The following ARL8B variants were observed in gnomAD, a reference collection of about 807,000 sequenced individuals.
The protein encoded by ARL8B is ARF like GTPase 8B.
ARL8B carries 9 observed loss-of-function variants against 30.6 expected under a neutral mutation model. The observed-to-expected ratio is 0.29, with a 90% CI of 0.18 to 0.51. The LOEUF (loss-of-function observed/expected upper bound fraction) is 0.51, where lower values mean the gene tolerates loss of function less well. Among genes scored for constraint, ARL8B ranks in the 20% least tolerant of loss-of-function variants. The pLI is 0.97. For missense variants in ARL8B, 130 were observed against 227.2 expected (o/e 0.57, Z 2.75); for synonymous variants, 74 against 76.0 (o/e 0.97, Z 0.14).
intron 1 of ARL8B, among the ~76,000 whole-genome samples, chr3:5,160,016 T>C (rs2054567806): frequency 6.6e-6 from 1 of 152,104 alleles, no homozygotes; most frequent in Non-Finnish European, 1.5e-5. Flanking sequence ...ACTAATAACC[T>C]CAACACTCAT....
At chr3:5,163,141 C>T (rs756700522) in intron 1 of ARL8B, among the ~76,000 whole-genome samples, 10 of 152,040 alleles carry the variant, frequency 6.6e-5, no homozygotes, top group Non-Finnish European at 1.5e-4. Context: ...GTGTGTGCCA[C>T]CACACCCAGC....
At position 5,122,328 on chromosome 3, in the gene ARL8B, C is replaced by T. The variant is rs761377241; in HGVS notation, c.-138C>T. The T allele has an allele frequency of 6.0e-5, 92 of 1,529,110 alleles. No homozygotes were observed. Among genetic ancestry groups the T allele is most frequent in the Non-Finnish European group, 7.9e-5 (90 of 1,139,440 alleles). The allele number at this position is 1,529,110 out of a possible 1,614,324, so 94.7% of individuals were successfully genotyped here. A position where few individuals can be genotyped will look rare whatever the true frequency, so the allele number is the denominator to read the frequency against. On this transcript the variant is annotated 5_prime_UTR_variant, in exon 1 of 7. Coordinates refer to ENST00000256496, the MANE Select transcript of ARL8B (RefSeq NM_018184.3). The stretch of plus-strand genomic sequence containing the variant: ...TCGGCTTCCTGGGTCTGGCTGCTGC[C>T]GCCCGCCGGTGTCCGCCCGTGTCGC...
intron 1 of ARL8B, among the ~76,000 whole-genome samples, chr3:5,143,504 C>T (rs2054393278): frequency 6.6e-6 from 1 of 152,184 alleles, no homozygotes. Context: ...TGAGGTCCTC[C>T]CGTAGCACAG....
chr3:5,157,613 C>G (rs1337065056), intron 1 of ARL8B: 8 of 152,232 alleles, frequency 5.3e-5, no homozygotes, highest in African/African-American at 1.9e-4. Context: ...GTAAGTACAG[C>G]TGGTCCATAG....
chr3:5,158,471 C>T (rs898842759), intron 1 of ARL8B, among the ~76,000 whole-genome samples: 1 of 152,170 alleles, frequency 6.6e-6, no homozygotes, highest in African/African-American at 2.4e-5. Context: ...TACTTTTAAA[C>T]AGCTCTGTGA....
intron 1 of ARL8B, among the ~76,000 whole-genome samples, chr3:5,169,305 TTGTGTGTGTGTGTGTG>T (rs10575722): frequency 1.4e-5 from 2 of 142,888 alleles, no homozygotes; most frequent in Non-Finnish European, 3.1e-5. Flanking sequence ...AATACAGTGT[TTGTGTGTGTGTGTGTG>T]TGTGTGTGTG....
chr3:5,178,436 C>T (rs2054749782), intron 6 of ARL8B, among the ~76,000 whole-genome samples: 1 of 151,482 alleles, frequency 6.6e-6, no homozygotes, highest in Non-Finnish European at 1.5e-5. Flanking sequence ...AAGGTGGCAC[C>T]AGCCGTCCTA....
chr3:5,150,097 A>G (rs1028635044), intron 1 of ARL8B, among the ~76,000 whole-genome samples: 2 of 152,152 alleles, frequency 1.3e-5, no homozygotes, highest in African/African-American at 4.8e-5. Flanking sequence ...GGGCTCATAA[A>G]ATGAGTTTGG....
chr3:5,163,123 G>A (rs891995614), intron 1 of ARL8B, among the ~76,000 whole-genome samples: 3 of 151,580 alleles, frequency 2.0e-5, no homozygotes, highest in Admixed American at 2.0e-4. Flanking sequence ...AAGTAGCTGT[G>A]ACTACAGGTG....
At position 5,165,502 on chromosome 3, in the gene ARL8B, G is replaced by T. The variant is rs985242763; in HGVS notation, c.124-5001G>T. On this transcript the variant is annotated intron_variant, in intron 1 of 6. Coordinates refer to ENST00000256496, the MANE Select transcript of ARL8B (RefSeq NM_018184.3). ...AAACAATTGAGTCCTAGTGTGTTTT[G>T]TTTTAAAAAGAAAGAAAAGACCACT... Among the ~76,000 whole-genome samples, 13 of 151,990 alleles carry T rather than the reference G, an allele frequency of 8.6e-5. No homozygotes were observed. The South Asian group carries it at 1.9e-3, about 22-fold the overall frequency.
chr3:5,173,491 CTT>C (rs1337524147), intron 4 of ARL8B, among the ~76,000 whole-genome samples: 1 of 152,172 alleles, frequency 6.6e-6, no homozygotes, highest in African/African-American at 2.4e-5. Flanking sequence ...AATCCCAGCA[CTT>C]TGGGAGGCCG....
At chr3:5,142,958 C>A (rs891387844) in intron 1 of ARL8B, among the ~76,000 whole-genome samples, 7 of 152,194 alleles carry the variant, frequency 4.6e-5, no homozygotes, top group African/African-American at 1.7e-4. Flanking sequence ...GTCTTCAGCT[C>A]GGAGTTACCC....
intron 1 of ARL8B, among the ~76,000 whole-genome samples, chr3:5,127,337 C>A (rs755227620): frequency 1.3e-5 from 2 of 152,268 alleles, no homozygotes; most frequent in South Asian, 2.1e-4. Flanking sequence ...AGATCTTAAT[C>A]CATTAAACAT....
At chr3:5,126,881 G>A (rs565879168) in intron 1 of ARL8B, among the ~76,000 whole-genome samples, 1 of 152,060 alleles carries the variant, frequency 6.6e-6, no homozygotes, top group Admixed American at 6.5e-5. Context: ...TTTTAACTGG[G>A]GCTTTTAGAT....
At chr3:5,122,996 C>T (rs1345789385) in intron 1 of ARL8B, among the ~76,000 whole-genome samples, 1 of 152,182 alleles carries the variant, frequency 6.6e-6, no homozygotes, top group African/African-American at 2.4e-5. Flanking sequence ...AATCCGTCAG[C>T]CGTACGAGAA....
chr3:5,151,450 T>C (rs4054851), intron 1 of ARL8B, among the ~76,000 whole-genome samples: 30,290 of 151,938 alleles, frequency 0.2, 3,159 homozygotes, highest in African/African-American at 0.26. Flanking sequence ...CTCTAAAATA[T>C]ATAAGCATTT....
intron 1 of ARL8B, among the ~76,000 whole-genome samples, chr3:5,124,203 A>G (rs981439834): frequency 1.3e-4 from 19 of 151,144 alleles, no homozygotes; most frequent in African/African-American, 4.9e-5. Flanking sequence ...TGCGCTTGGA[A>G]TGACTATCTT....
chr3:5,122,577 A>C lies in ARL8B; in HGVS notation c.112A>C (p.Asn38His). The C allele has an allele frequency of 1.2e-6, 2 of 1,602,522 alleles. No homozygotes were observed. Among genetic ancestry groups the C allele is most frequent in the Non-Finnish European group, 1.7e-6 (2 of 1,172,626 alleles). ...LQYSGKTTFV[N>H]VIASGQFSED... is the part of the protein sequence containing the mutation. Reference sequence around the variant, plus strand: ...GTACTCGGGCAAGACCACCTTCGTCAATGTCATCGCGGTGAGCGCCCGCCC... The same window carrying C: ...GTACTCGGGCAAGACCACCTTCGTCCATGTCATCGCGGTGAGCGCCCGCCC... The change falls in exon 1 of 7, where the codon AAT (asparagine) becomes CAT (histidine). Residue 38 changes from asparagine (N) to histidine (H), a missense_variant. Coordinates refer to ENST00000256496, the MANE Select transcript of ARL8B (RefSeq NM_018184.3).
At chr3:5,170,654 C>A in intron 2 of ARL8B, 71 bp downstream of exon 2, 1 of 1,202,214 alleles carries the variant, frequency 8.3e-7, no homozygotes, top group Non-Finnish European at 1.2e-6. Context: ...TGTTAAATTT[C>A]TGTGTTTTTA....
Sources: gnomAD v4.1 joint callset for allele counts (sites outside exome capture counted in the v4.1 genomes callset) on GRCh38, gnomAD v4.1.1 for gene constraint, MANE v1.5 for transcripts, NCBI Gene and HGNC (gene_info 2026-07-23, HGNC 2026-07-21) for gene names.